KAZN: variants seen among roughly 807,000 people sequenced by gnomAD.
KAZN encodes kazrin.
A neutral mutation model predicts 87.4 loss-of-function variants in KAZN; 40 were observed. The observed-to-expected ratio is 0.46, with a 90% CI of 0.36 to 0.60. The LOEUF (loss-of-function observed/expected upper bound fraction) is 0.60, where lower values mean the gene tolerates loss of function less well. Ranked by LOEUF, KAZN falls within the 20% of genes least tolerant of loss-of-function variation. The probability of loss-of-function intolerance (pLI) is 0.00; values close to 1 mark genes in which losing one functional copy is unlikely to be tolerated. For synonymous variants in KAZN, 466 were observed against 458.3 expected (o/e 1.02, Z -0.22); for missense variants, 898 against 1,073.9 (o/e 0.84, Z 2.29).
At chr1:14,628,657 A>G (rs985587911) in intron 1 of KAZN, among the ~76,000 whole-genome samples, 9 of 152,132 alleles carry the variant, frequency 5.9e-5, no homozygotes, top group Non-Finnish European at 1.2e-4. Context: ...CACAAACCTG[A>G]ATGATTTCAT....
At chr1:14,432,040 A>G (rs1455998748) in intron 2 of KAZN, among the ~76,000 whole-genome samples, 2 of 152,138 alleles carry the variant, frequency 1.3e-5, no homozygotes, top group Non-Finnish European at 2.9e-5. Flanking sequence ...TGGTGTGAAG[A>G]GTAAGGATCT....
intron 1 of KAZN, among the ~76,000 whole-genome samples, chr1:14,788,697 G>C (rs776186867): frequency 6.6e-6 from 1 of 152,098 alleles, no homozygotes; most frequent in Non-Finnish European, 1.5e-5. Flanking sequence ...TGCTGCTACC[G>C]ACACTCATCT....
chr1:14,426,436 G>A (rs527473811), intron 2 of KAZN, among the ~76,000 whole-genome samples: 1 of 152,192 alleles, frequency 6.6e-6, no homozygotes, highest in East Asian at 1.9e-4. Flanking sequence ...GACTTTCTCT[G>A]GTTAATTCAT....
At chr1:14,496,103 G>A (rs1246754462) in intron 2 of KAZN, among the ~76,000 whole-genome samples, 2 of 152,148 alleles carry the variant, frequency 1.3e-5, no homozygotes, top group Non-Finnish European at 2.9e-5. Flanking sequence ...ACCGATTCAA[G>A]ACAATGAAGA....
chr1:14,389,498 A>C (rs1662237482), intron 2 of KAZN, among the ~76,000 whole-genome samples: 2 of 152,212 alleles, frequency 1.3e-5, no homozygotes, highest in Non-Finnish European at 1.5e-5. Context: ...TTACACATAC[A>C]CAATGGAGTA....
At chr1:13,964,935 G>A (rs1641889039) in intron 1 of KAZN, among the ~76,000 whole-genome samples, 1 of 152,158 alleles carries the variant, frequency 6.6e-6, no homozygotes, top group African/African-American at 2.4e-5. Flanking sequence ...AAGCAGATGA[G>A]GGAGCTGGTG....
At chr1:14,583,110 C>T (rs952695063) in intron 2 of KAZN, among the ~76,000 whole-genome samples, 1 of 152,228 alleles carries the variant, frequency 6.6e-6, no homozygotes, top group Admixed American at 6.5e-5. Flanking sequence ...AGAAACTACA[C>T]TATTATTGTC....
At chr1:14,106,222 A>G (rs756662777) in intron 1 of KAZN, among the ~76,000 whole-genome samples, 1 of 152,158 alleles carries the variant, frequency 6.6e-6, no homozygotes, top group Non-Finnish European at 1.5e-5. Flanking sequence ...AAAGCCCCCA[A>G]CAGAACCCAA....
At chr1:15,012,193 A>T (rs537799159) in intron 2 of KAZN, among the ~76,000 whole-genome samples, 1 of 152,048 alleles carries the variant, frequency 6.6e-6, no homozygotes, top group Non-Finnish European at 1.5e-5. Context: ...GTGAGTAGAG[A>T]ACACTCTACT....
At chr1:14,516,106 T>A (rs1391806665) in intron 2 of KAZN, among the ~76,000 whole-genome samples, 2 of 152,188 alleles carry the variant, frequency 1.3e-5, no homozygotes, top group Non-Finnish European at 2.9e-5. Context: ...TTCTCAGGTG[T>A]TTCGCTTGAG....
At position 14,439,935 on chromosome 1, in the gene KAZN, T is replaced by C. The variant is rs141897031; in HGVS notation, c.250-159048T>C. Among the ~76,000 whole-genome samples, 649 of 152,304 alleles carry C rather than the reference T, an allele frequency of 4.3e-3. 5 individuals are homozygous for C. Among genetic ancestry groups the C allele is most frequent in the African/African-American group, 0.015 (611 of 41,558 alleles). ...TTTAACATCTCACCTCCTTCAGCGC[T>C]TGCCTTTTCAGTTCATCCCAACCAC... On this transcript the variant is annotated intron_variant, in intron 2 of 16. Transcript: ENST00000636203.
intron 1 of KAZN, among the ~76,000 whole-genome samples, chr1:13,916,131 T>C (rs913053837): frequency 6.6e-6 from 1 of 152,166 alleles, no homozygotes; most frequent in African/African-American, 2.4e-5. Context: ...GATGTGGTTT[T>C]CCAGGAGTGA....
At chr1:15,006,399 T>C (rs1669001021) in intron 2 of KAZN, among the ~76,000 whole-genome samples, 1 of 152,144 alleles carries the variant, frequency 6.6e-6, no homozygotes. Context: ...TCTAATTGGA[T>C]TGGACTGGAT....
chr1:14,343,011 G>A lies in KAZN; in HGVS notation c.249+162419G>A, dbSNP rs937446202. Among the ~76,000 whole-genome samples the A allele has an allele frequency of 5.3e-5, 8 of 152,184 alleles. No individual in the cohort carries two copies. The East Asian group carries it at 1.5e-3, about 29-fold the overall frequency. ...TAAAAATTAGCCTGGCGTGGTGGCA[G>A]GCGCCTGTAATCCCAGCTACTCAGG... On this transcript the variant is annotated intron_variant, in intron 2 of 16. Coordinates refer to the KAZN transcript ENST00000636203.
Position 13,981,095 on chromosome 1 carries a change from A to ATATATATATATATATATATG in KAZN, c.91+87354_91+87355insATATGTATATATATATATAT, listed in dbSNP as rs1196413078. 4.8e-3 allele frequency among the ~76,000 whole-genome samples: 504 copies of ATATATATATATATATATATG among 104,226 alleles called. 31 individuals carry two copies. Among genetic ancestry groups the ATATATATATATATATATATG allele is most frequent in the African/African-American group, 0.018 (458 of 25,556 alleles). The allele number at this position is 104,226 out of a possible 152,430, so 68.4% of individuals were successfully genotyped here. ...AGGTATAAAAAATTACTCTTTATAT[A>ATATATATATATATATATATG]TATATATATATATATGTATATATAA... On this transcript the variant is annotated intron_variant, in intron 1 of 16. Coordinates refer to the KAZN transcript ENST00000636203.
chr1:14,812,334 A>G (rs1646438025), intron 1 of KAZN, among the ~76,000 whole-genome samples: 1 of 152,182 alleles, frequency 6.6e-6, no homozygotes, highest in Non-Finnish European at 1.5e-5. Context: ...CTCCTTGTAC[A>G]GTGCACATCT....
chr1:14,149,985 C>T (rs574732655), intron 1 of KAZN, among the ~76,000 whole-genome samples: 3 of 152,076 alleles, frequency 2.0e-5, no homozygotes, highest in Non-Finnish European at 2.9e-5. Flanking sequence ...ATGGTGATAC[C>T]GACAGTCATA....
At chr1:14,192,106 C>T (rs1046251436) in intron 2 of KAZN, among the ~76,000 whole-genome samples, 4 of 152,050 alleles carry the variant, frequency 2.6e-5, no homozygotes, top group Non-Finnish European at 5.9e-5. Flanking sequence ...TGAGCCAATT[C>T]GTGGTACCCC....
chr1:15,047,770 CA>C (rs529941915), intron 4 of KAZN, among the ~76,000 whole-genome samples: 23 of 147,956 alleles, frequency 1.6e-4, no homozygotes, highest in Admixed American at 2.0e-4. Flanking sequence ...AACCCCATCT[CA>C]AAAAAAAAAG....
Sources: gnomAD v4.1 joint callset for allele counts (sites outside exome capture counted in the v4.1 genomes callset) on GRCh38, gnomAD v4.1.1 for gene constraint, MANE v1.5 for transcripts, NCBI Gene and HGNC (gene_info 2026-07-23, HGNC 2026-07-21) for gene names.